PPP1R12A: variants seen among roughly 807,000 people sequenced by gnomAD.
PPP1R12A encodes the protein protein phosphatase 1 regulatory subunit 12A.
Under a neutral mutation model 139.6 loss-of-function variants are expected in PPP1R12A, and 19 were observed. That is an observed-to-expected ratio of 0.14 (90% CI 0.09 to 0.20). The LOEUF is 0.20. PPP1R12A is among the 10% of genes least tolerant of loss of function. PPP1R12A has a pLI of 1.00. For missense variants in PPP1R12A, 925 were observed against 1,211.5 expected, an observed-to-expected ratio of 0.76 and a Z score of 3.51; for synonymous variants, 427 against 420.6, an observed-to-expected ratio of 1.02 and a Z score of -0.19.
chr12:79,929,083 C>T (rs547302529), intron 1 of PPP1R12A, among the ~76,000 whole-genome samples: 9 of 152,102 alleles, frequency 5.9e-5, no homozygotes, highest in African/African-American at 9.7e-5. Flanking sequence ...GGAGTGGGGC[C>T]GGATGAAACT....
intron 23 of PPP1R12A, chr12:79,779,409 ACT>A: frequency 8.6e-7 from 1 of 1,157,572 alleles, no homozygotes; most frequent in South Asian, 1.3e-5. Flanking sequence ...TTTCCAAGAC[ACT>A]CTTTCCCAGA....
intron 2 of PPP1R12A, among the ~76,000 whole-genome samples, chr12:79,863,694 C>T (rs956420409): frequency 7.0e-6 from 1 of 142,460 alleles, no homozygotes; most frequent in African/African-American, 2.6e-5. Context: ...CAATCCTGGT[C>T]TCTGATAAAA....
At chr12:79,877,901 C>T (rs1883267033) in intron 1 of PPP1R12A, among the ~76,000 whole-genome samples, 1 of 152,014 alleles carries the variant, frequency 6.6e-6, no homozygotes, top group Non-Finnish European at 1.5e-5. Flanking sequence ...ATTTTATCCT[C>T]AGTATAAGAA....
intron 1 of PPP1R12A, among the ~76,000 whole-genome samples, chr12:79,898,175 C>T (rs1461216148): frequency 2.0e-5 from 3 of 152,188 alleles, no homozygotes; most frequent in Non-Finnish European, 4.4e-5. Flanking sequence ...GCTGGCCGGG[C>T]GCGGTGGCTC....
intron 9 of PPP1R12A, among the ~76,000 whole-genome samples, chr12:79,811,612 G>C (rs961544536): frequency 6.6e-6 from 1 of 152,236 alleles, no homozygotes; most frequent in African/African-American, 2.4e-5. Flanking sequence ...TGAGACAGCT[G>C]CTTATTGATT....
chr12:79,934,662 C>T, intron 1 of PPP1R12A, 33 bp downstream of exon 1: 1 of 1,491,306 alleles, frequency 6.7e-7, no homozygotes. Flanking sequence ...AGAACCCTCA[C>T]GGTCAGGAGA....
At chr12:79,785,047 C>T (rs569130242) in intron 22 of PPP1R12A, among the ~76,000 whole-genome samples, 14 of 152,286 alleles carry the variant, frequency 9.2e-5, no homozygotes, top group African/African-American at 2.4e-4. Flanking sequence ...GATACTAATG[C>T]AACCTGAAGG....
chr12:79,935,277 C>A (rs571896628), upstream of PPP1R12A: 86 of 1,083,178 alleles, frequency 7.9e-5, 1 homozygote, highest in Admixed American at 3.5e-3. Context: ...AAGAGCGCTC[C>A]CGCGAACTGC....
intron 2 of PPP1R12A, among the ~76,000 whole-genome samples, chr12:79,846,599 T>A (rs548206790): frequency 6.7e-6 from 1 of 149,996 alleles, no homozygotes; most frequent in South Asian, 2.1e-4. Flanking sequence ...GTGGCTCATT[T>A]TTTTTTTTTT....
Position 79,775,895 on chromosome 12 carries a change from T to A in PPP1R12A, c.*34A>T. ...ATTATGGTCCACTGGGTTACTAATA[T>A]GTGCAATTCCATTACTTGCTGCTTT... On this transcript the variant is annotated 3_prime_UTR_variant, in exon 25 of 25. Coordinates refer to ENST00000450142, the MANE Select transcript of PPP1R12A (RefSeq NM_002480.3). The A allele has an allele frequency of 7.0e-7, 1 of 1,438,052 alleles. No homozygotes were observed. Among genetic ancestry groups the A allele is most frequent in the Middle Eastern group, 1.8e-4 (1 of 5,698 alleles). 89.1% of individuals were successfully genotyped at this position (1,438,052 alleles called of 1,614,324 possible).
intron 20 of PPP1R12A, 46 bp from the exon 21 acceptor site, chr12:79,788,829 CA>C: frequency 1.1e-5 from 16 of 1,480,404 alleles, no homozygotes; most frequent in Non-Finnish European, 1.5e-5. Flanking sequence ...TAGGCTTTTA[CA>C]ATTATAACAA....
chr12:79,798,633 A>G (rs756253704), intron 14 of PPP1R12A, 49 bp from the exon 15 acceptor site: 8 of 1,064,714 alleles, frequency 7.5e-6, no homozygotes, highest in Non-Finnish European at 1.1e-5. Flanking sequence ...AATACCTGTG[A>G]ATGTAAATAT....
intron 2 of PPP1R12A, among the ~76,000 whole-genome samples, chr12:79,872,575 A>G (rs749525578): frequency 5.3e-5 from 8 of 152,278 alleles, no homozygotes; most frequent in Non-Finnish European, 1.0e-4. Flanking sequence ...AATGTGTACA[A>G]TTACTAATGT....
At chr12:79,883,455 C>CT (rs1328121032) in intron 1 of PPP1R12A, among the ~76,000 whole-genome samples, 1 of 151,834 alleles carries the variant, frequency 6.6e-6, no homozygotes, top group East Asian at 1.9e-4. Flanking sequence ...ATTAAGGAAG[C>CT]TTAGGAGGAA....
chr12:79,836,432 T>C (rs1262129123), intron 3 of PPP1R12A, among the ~76,000 whole-genome samples: 1 of 152,166 alleles, frequency 6.6e-6, no homozygotes, highest in African/African-American at 2.4e-5. Context: ...TCTGTTTCCT[T>C]TGAACTTCAA....
In PPP1R12A at chr12:79,869,904, T is replaced by C. The variant is rs192981996; in HGVS notation, c.368+2904A>G. Among the ~76,000 whole-genome samples the C allele has an allele frequency of 2.8e-3, 266 of 93,534 alleles. 1 individual carries two copies. The highest frequency in any genetic ancestry group is 1.6e-3 in the Non-Finnish European group (92 of 57,290). 61.4% of individuals were successfully genotyped at this position (93,534 alleles called of 152,430 possible). ...CCCCCTGGGTTATAACTATTGTCTC[T>C]ATTATTATTATTATTATTATTATTA... On this transcript the variant is annotated intron_variant, in intron 2 of 24. Coordinates refer to ENST00000450142, the MANE Select transcript of PPP1R12A (RefSeq NM_002480.3).
intron 2 of PPP1R12A, among the ~76,000 whole-genome samples, chr12:79,871,035 A>G (rs904699815): frequency 6.6e-6 from 1 of 152,166 alleles, no homozygotes; most frequent in African/African-American, 2.4e-5. Context: ...GTAAAACACA[A>G]TTCTAGAGTT....
chr12:79,792,121 C>A (rs1301170064), intron 19 of PPP1R12A, among the ~76,000 whole-genome samples: 1 of 152,152 alleles, frequency 6.6e-6, no homozygotes, highest in East Asian at 1.9e-4. Context: ...TAGATAACCA[C>A]TGTTATCTAA....
intron 24 of PPP1R12A, chr12:79,778,265 C>T (rs1869987651): frequency 4.8e-6 from 1 of 207,384 alleles, no homozygotes; most frequent in Non-Finnish European, 9.5e-6. Context: ...TTTTCTATAC[C>T]TGAACAGCAA....
Sources: allele counts gnomAD v4.1 joint callset (sites outside exome capture counted in the v4.1 genomes callset), GRCh38; gene constraint gnomAD v4.1.1; transcripts MANE v1.5; gene names NCBI Gene and HGNC (gene_info 2026-07-23, HGNC 2026-07-21).